KCNS3: variants seen among roughly 807,000 people sequenced by gnomAD.
KCNS3 encodes potassium voltage-gated channel modifier subfamily S member 3.
KCNS3 carries 13 observed loss-of-function variants against 31.0 expected under a neutral mutation model. The ratio of observed to expected loss-of-function variants is 0.42; its 90% CI spans 0.27 to 0.67. The LOEUF (loss-of-function observed/expected upper bound fraction) is 0.67, where lower values mean the gene tolerates loss of function less well. Ranked by LOEUF, KCNS3 falls within the 30% of genes least tolerant of loss-of-function variation. The pLI is 0.25. For synonymous variants in KCNS3, 238 were observed against 241.5 expected, an observed-to-expected ratio of 0.99 and a Z score of 0.13; for missense variants, 545 against 622.4, an observed-to-expected ratio of 0.88 and a Z score of 1.32.
At chr2:17,882,966 T>C (rs1674675405) in intron 1 of KCNS3, among the ~76,000 whole-genome samples, 1 of 152,226 alleles carries the variant, frequency 6.6e-6, no homozygotes, top group African/African-American at 2.4e-5. Context: ...GGTATTTTTC[T>C]TGTGGGCAAG....
intron 2 of KCNS3, 64 bp from the exon 3 acceptor site, chr2:17,930,886 T>A (rs1195303145): frequency 7.8e-6 from 9 of 1,147,842 alleles, no homozygotes; most frequent in Non-Finnish European, 1.1e-5. Context: ...AAAGGGCAGA[T>A]TAAAAATAAG....
At chr2:17,880,642 G>A (rs918249040) in intron 1 of KCNS3, among the ~76,000 whole-genome samples, 1 of 152,226 alleles carries the variant, frequency 6.6e-6, no homozygotes, top group African/African-American at 2.4e-5. Context: ...ATGCAGCTAC[G>A]CTAAGGTTTT....
chr2:17,916,960 G>T (rs1044807891), intron 1 of KCNS3, among the ~76,000 whole-genome samples: 1 of 152,044 alleles, frequency 6.6e-6, no homozygotes, highest in Non-Finnish European at 1.5e-5. Flanking sequence ...CAATGTATGG[G>T]AATGCATCAG....
At chr2:17,924,671 TAA>T (rs34787643) in intron 2 of KCNS3, among the ~76,000 whole-genome samples, 34,679 of 152,004 alleles carry the variant, frequency 0.23, 4,564 homozygotes, top group East Asian at 0.48. Flanking sequence ...ATTTACACGT[TAA>T]GTTAACCTTA....
At chr2:17,914,932 G>A (rs571059726) in intron 1 of KCNS3, among the ~76,000 whole-genome samples, 6 of 152,208 alleles carry the variant, frequency 3.9e-5, no homozygotes, top group Admixed American at 6.5e-5. Context: ...ATGGTGCAGG[G>A]AGTCATTCTC....
At chr2:17,905,051 A>C (rs1196687255) in intron 1 of KCNS3, among the ~76,000 whole-genome samples, 1 of 152,222 alleles carries the variant, frequency 6.6e-6, no homozygotes, top group Non-Finnish European at 1.5e-5. Context: ...TACCTTGGGC[A>C]GTGTGGCCAT....
chr2:17,904,407 G>C (rs1051126813), intron 1 of KCNS3, among the ~76,000 whole-genome samples: 12 of 152,230 alleles, frequency 7.9e-5, no homozygotes, highest in African/African-American at 2.9e-4. Context: ...CATTCTGTAG[G>C]TTGCCTGTTC....
chr2:17,885,022 TTA>T (rs1049724849), intron 1 of KCNS3, among the ~76,000 whole-genome samples: 1 of 152,074 alleles, frequency 6.6e-6, no homozygotes, highest in Non-Finnish European at 1.5e-5. Context: ...ATAGCATTAT[TTA>T]TATGTGTTAA....
chr2:17,901,199 T>G (rs1319247444), intron 1 of KCNS3, among the ~76,000 whole-genome samples: 1 of 152,142 alleles, frequency 6.6e-6, no homozygotes, highest in Non-Finnish European at 1.5e-5. Context: ...TAACTTCAGC[T>G]TAGTGTGAAG....
chr2:17,886,522 T>G (rs1661656543), intron 1 of KCNS3, among the ~76,000 whole-genome samples: 1 of 152,176 alleles, frequency 6.6e-6, no homozygotes, highest in South Asian at 2.1e-4. Context: ...AAGACCCCAG[T>G]CTTCCCTTGG....
At chr2:17,922,183 T>C (rs1662731951) in intron 2 of KCNS3, among the ~76,000 whole-genome samples, 1 of 151,616 alleles carries the variant, frequency 6.6e-6, no homozygotes, top group African/African-American at 2.4e-5. Context: ...TATATTAGGC[T>C]TGATTAGTGG....
chr2:17,887,210 A>C (rs776679260), intron 1 of KCNS3, among the ~76,000 whole-genome samples: 6 of 151,992 alleles, frequency 3.9e-5, no homozygotes, highest in Non-Finnish European at 7.4e-5. Flanking sequence ...TTTGGTGCAC[A>C]TATCACCTGA....
At chr2:17,926,195 G>A (rs1662833626) in intron 2 of KCNS3, among the ~76,000 whole-genome samples, 1 of 152,222 alleles carries the variant, frequency 6.6e-6, no homozygotes, top group Non-Finnish European at 1.5e-5. Flanking sequence ...GATGCAAGAA[G>A]TGGGCTCCCA....
intron 1 of KCNS3, among the ~76,000 whole-genome samples, chr2:17,912,859 C>A (rs1204822837): frequency 6.6e-6 from 1 of 152,146 alleles, no homozygotes; most frequent in East Asian, 1.9e-4. Context: ...ATATATTAGA[C>A]CCTGAGAAGT....
intron 1 of KCNS3, among the ~76,000 whole-genome samples, chr2:17,879,796 C>T (rs1444440846): frequency 1.3e-5 from 2 of 152,226 alleles, no homozygotes. Flanking sequence ...GGGTGGCCCG[C>T]AGCAGGGGCA....
At chr2:17,882,667 A>G (rs1674668312) in intron 1 of KCNS3, among the ~76,000 whole-genome samples, 1 of 152,138 alleles carries the variant, frequency 6.6e-6, no homozygotes, top group Non-Finnish European at 1.5e-5. Flanking sequence ...AAAGAGGAGA[A>G]GAGTGTTGTT....
intron 2 of KCNS3, among the ~76,000 whole-genome samples, chr2:17,921,770 GC>G (rs1662709460): frequency 1.3e-5 from 2 of 151,346 alleles, no homozygotes; most frequent in Admixed American, 1.3e-4. Context: ...GGGGAAGTCT[GC>G]CCCCATGATT....
At chr2:17,921,915 G>A (rs963886) in intron 2 of KCNS3, among the ~76,000 whole-genome samples, 4,920 of 30,596 alleles carry the variant, frequency 0.16, 232 homozygotes, top group East Asian at 0.44. Flanking sequence ...GTGTGTGTGT[G>A]TATATATATA....
intron 1 of KCNS3, among the ~76,000 whole-genome samples, chr2:17,906,740 T>A (rs1033560442): frequency 1.8e-4 from 27 of 152,324 alleles, no homozygotes; most frequent in African/African-American, 6.3e-4. Flanking sequence ...CAGGAGCAGG[T>A]TGTTCAGTTT....
Sources: gnomAD v4.1 joint callset for allele counts (sites outside exome capture counted in the v4.1 genomes callset) on GRCh38, gnomAD v4.1.1 for gene constraint, MANE v1.5 for transcripts, NCBI Gene and HGNC (gene_info 2026-07-23, HGNC 2026-07-21) for gene names.